The following SIPA1L2 variants were observed in gnomAD, a reference collection of about 807,000 sequenced individuals.
SIPA1L2 encodes signal induced proliferation associated 1 like 2.
SIPA1L2 carries 56 observed loss-of-function variants against 163.9 expected under a neutral mutation model. The observed-to-expected ratio is 0.34, with a 90% CI of 0.28 to 0.43. SIPA1L2 has a LOEUF of 0.43. SIPA1L2 is among the 20% of genes least tolerant of loss of function. SIPA1L2 has a pLI of 1.00. For synonymous variants in SIPA1L2, 877 were observed against 865.7 expected (o/e 1.01, Z -0.23); for missense variants, 1,974 against 2,193.5 (o/e 0.90, Z 2.00).
chr1:232,411,600 T>A (rs551400655), intron 19 of SIPA1L2, among the ~76,000 whole-genome samples: 10 of 151,798 alleles, frequency 6.6e-5, no homozygotes, highest in Admixed American at 1.3e-4. Context: ...GCTTTTTTTT[T>A]TACAACTTAC....
Position 232,507,089 on chromosome 1 carries a change from T to C in SIPA1L2, c.1483+6768A>G, listed in dbSNP as rs1666763041. 3.3e-5 allele frequency among the ~76,000 whole-genome samples: 5 copies of C among 152,320 alleles called. No individual in the cohort carries two copies. The South Asian group carries it at 8.3e-4, about 25-fold the overall frequency. On this transcript the variant is annotated intron_variant, in intron 3 of 22. Coordinates refer to ENST00000674635, the MANE Select transcript of SIPA1L2 (RefSeq NM_020808.5). ...TTATTCAGATTTCCTTAGTTTTTAATGGAATGTCCTTTTTCTGTACAGGAT... is the reference window on the plus strand; with the variant it reads ...TTATTCAGATTTCCTTAGTTTTTAACGGAATGTCCTTTTTCTGTACAGGAT...
rs202210812 is a variant in SIPA1L2, at chr1:232,480,164, T to TGC, written c.1982-435_1982-434insGC. Among the ~76,000 whole-genome samples, 45 of 126,192 alleles carry TGC rather than the reference T, an allele frequency of 3.6e-4. No homozygotes were observed. The East Asian group carries it at 5.8e-3, about 16-fold the overall frequency. The allele number at this position is 126,192 out of a possible 152,430, so 82.8% of individuals were successfully genotyped here. A position where few individuals can be genotyped will look rare whatever the true frequency, so the allele number is the denominator to read the frequency against. On this transcript the variant is annotated intron_variant, in intron 6 of 22. Coordinates refer to ENST00000674635, the MANE Select transcript of SIPA1L2 (RefSeq NM_020808.5). ...CTGTGTGTGTGTGTGCGTGTGTGTG[T>TGC]GTGTGTGTGTGTGTGTGTGTGTGTG... is the stretch of plus-strand genomic sequence containing the variant.
chr1:232,453,343 T>A (rs933787263), intron 10 of SIPA1L2, among the ~76,000 whole-genome samples: 1 of 152,158 alleles, frequency 6.6e-6, no homozygotes, highest in African/African-American at 2.4e-5. Flanking sequence ...AGTTGACCAG[T>A]TAGTTGGACC....
intron 2 of SIPA1L2, among the ~76,000 whole-genome samples, chr1:232,549,154 G>T (rs1056952260): frequency 6.6e-6 from 1 of 152,172 alleles, no homozygotes; most frequent in African/African-American, 2.4e-5. Flanking sequence ...ACCCAAGTGA[G>T]GCCTCCCCCA....
intron 18 of SIPA1L2, among the ~76,000 whole-genome samples, chr1:232,420,822 G>C (rs1661533769): frequency 6.6e-6 from 1 of 151,832 alleles, no homozygotes; most frequent in Admixed American, 6.5e-5. Flanking sequence ...GCGAAAGAGT[G>C]AGACTCCGTC....
At chr1:232,489,507 T>A (rs75193736) in intron 5 of SIPA1L2, among the ~76,000 whole-genome samples, 1 of 152,088 alleles carries the variant, frequency 6.6e-6, no homozygotes, top group Non-Finnish European at 1.5e-5. Flanking sequence ...TTTTTTTTTT[T>A]AATATGTCAG....
Position 232,515,054 on chromosome 1 carries a change from T to C in SIPA1L2, c.286A>G (p.Lys96Glu). 6.2e-7 allele frequency: 1 copy of C among 1,614,180 alleles called. No homozygotes were observed. Among genetic ancestry groups the C allele is most frequent in the South Asian group, 1.1e-5 (1 of 91,088 alleles). ...TGAGACCGGCTTTCCCACAGTGCCT[T>C]GCATGTTAGCTCCTTGGAACAGTCC... ...KKDCSKELTC[K>E]ALWESRSQTS... The change falls in exon 3 of 23, where the codon AAG becomes GAG. Residue 96 changes from lysine to glutamate, a missense_variant. By Grantham distance (56) the Lys-to-Glu change is moderately conservative. Coordinates refer to ENST00000674635, the MANE Select transcript of SIPA1L2 (RefSeq NM_020808.5).
chr1:232,591,448 A>G (rs2210670), intron 1 of SIPA1L2, among the ~76,000 whole-genome samples: 69,506 of 152,126 alleles, frequency 0.46, 16,724 homozygotes, highest in Non-Finnish European at 0.54. Context: ...TCTGCCGAGG[A>G]TGGGCAGTGG....
chr1:232,525,401 ATTTTTTTTTTTT>A (rs59155660), intron 2 of SIPA1L2, among the ~76,000 whole-genome samples: 88,850 of 128,104 alleles, frequency 0.69, 30,997 homozygotes, highest in Non-Finnish European at 0.78. Flanking sequence ...AAGCCTGGCT[ATTTTTTTTTTTT>A]TTTTTTTTTT....
At chr1:232,496,616 A>G (rs890291011) in intron 3 of SIPA1L2, among the ~76,000 whole-genome samples, 3 of 151,848 alleles carry the variant, frequency 2.0e-5, no homozygotes, top group African/African-American at 4.8e-5. Flanking sequence ...TCTACTTCAG[A>G]CTACTAAACT....
rs35712001 is a variant in SIPA1L2 at position 232,410,545 on chromosome 1, A to AATATATATATATATATATAT, written c.4762+4948_4762+4949insATATATATATATATATATAT. Reference sequence around the variant, plus strand: ...CAAGAAGGCTGCTTCTGAATTTCAAAATATATATATATATATACGCAAGGG... The same window carrying AATATATATATATATATATAT: ...CAAGAAGGCTGCTTCTGAATTTCAAAATATATATATATATATATATATATATATATATATATACGCAAGGG... On this transcript the variant is annotated intron_variant, in intron 19 of 22. Coordinates refer to ENST00000674635, the MANE Select transcript of SIPA1L2 (RefSeq NM_020808.5). Among the ~76,000 whole-genome samples, 33 of 148,882 alleles carry AATATATATATATATATATAT rather than the reference A, an allele frequency of 2.2e-4. No homozygotes were observed. The Admixed American group carries it at 2.2e-3, about 10-fold the overall frequency.
At position 232,574,317 on chromosome 1, in the gene SIPA1L2, G is replaced by T. The variant is rs1459420720; in HGVS notation, c.-318-95C>A. ...CTGAGGAATCCCCAGGGGTCCACAG[G>T]GTCAAAACCATTTTCATGTTGATAC... On this transcript the variant is annotated intron_variant, in intron 1 of 22. Coordinates refer to ENST00000674635, the MANE Select transcript of SIPA1L2 (RefSeq NM_020808.5). Among the ~76,000 whole-genome samples, 9 of 152,162 alleles carry T rather than the reference G, an allele frequency of 5.9e-5. No individual in the cohort carries two copies. In the East Asian group the frequency reaches 1.7e-3, roughly 29 times the overall value.
At chr1:232,449,618 G>C (rs969026579) in intron 10 of SIPA1L2, among the ~76,000 whole-genome samples, 1 of 151,574 alleles carries the variant, frequency 6.6e-6, no homozygotes, top group Admixed American at 6.6e-5. Flanking sequence ...GAAAAAAAAA[G>C]GGGGAGAAAA....
At chr1:232,601,943 C>T (rs1160142575) in intron 1 of SIPA1L2, among the ~76,000 whole-genome samples, 1 of 152,144 alleles carries the variant, frequency 6.6e-6, no homozygotes, top group Non-Finnish European at 1.5e-5. Context: ...GGGATGTCAC[C>T]TTACAAGCAT....
intron 10 of SIPA1L2, among the ~76,000 whole-genome samples, chr1:232,452,641 T>C (rs1663654017): frequency 6.6e-6 from 1 of 152,202 alleles, no homozygotes; most frequent in African/African-American, 2.4e-5. Flanking sequence ...CTAAATCATG[T>C]CTTCAAACTC....
chr1:232,454,033 C>T (rs1298508791), intron 10 of SIPA1L2, among the ~76,000 whole-genome samples: 1 of 152,118 alleles, frequency 6.6e-6, no homozygotes, highest in African/African-American at 2.4e-5. Flanking sequence ...AATTGATGCT[C>T]ATTCGCTTGA....
chr1:232,441,584 G>A (rs1662898546), intron 13 of SIPA1L2, among the ~76,000 whole-genome samples, 184 bp downstream of exon 13: 1 of 152,154 alleles, frequency 6.6e-6, no homozygotes. Context: ...ACTTTCTGCA[G>A]GTGCCACAAC....
chr1:232,535,540 C>G (rs571815000), intron 2 of SIPA1L2, among the ~76,000 whole-genome samples: 4 of 152,084 alleles, frequency 2.6e-5, no homozygotes, highest in Admixed American at 1.3e-4. Context: ...GTAAAATTCT[C>G]TAGAAAAGTT....
Position 232,460,915 on chromosome 1 carries a change from G to C in SIPA1L2, c.3067C>G (p.Gln1023Glu). The C allele has an allele frequency of 6.2e-7, 1 of 1,614,124 alleles. No homozygotes were observed. The highest frequency in any genetic ancestry group is 1.1e-5 in the South Asian group (1 of 91,086). The change falls in exon 10 of 23, where the codon CAG becomes GAG. Residue 1023 changes from glutamine (Q) to glutamate (E), a missense_variant. This residue lies in a region of SIPA1L2 where 1,079 missense variants were observed against 1,150.7 expected (regional missense o/e 0.94). Transcript: ENST00000674635. The stretch of plus-strand genomic sequence containing the variant: ...CGGGGCGAGCCGTCATCATGGGGCT[G>C]GATGATGACCACCTTCACAGTCACA... ...TSVTVKVVIIQPHDDGSPRRG... is the reference protein window; with the variant it reads ...TSVTVKVVIIEPHDDGSPRRG...
Sources: gnomAD v4.1 joint callset for allele counts (sites outside exome capture counted in the v4.1 genomes callset) on GRCh38, gnomAD v4.1.1 for gene constraint, gnomAD v4.1.1 regional missense constraint, MANE v1.5 for transcripts, NCBI Gene and HGNC (gene_info 2026-07-23, HGNC 2026-07-21) for gene names.